The following RCAN2 variants were observed in gnomAD, a reference collection of about 807,000 sequenced individuals.
RCAN2 encodes the protein regulator of calcineurin 2, also known as calcipressin-2.
A neutral mutation model predicts 23.6 loss-of-function variants in RCAN2; 9 were observed. The observed-to-expected ratio is 0.38, with a 90% CI of 0.23 to 0.67. The LOEUF (loss-of-function observed/expected upper bound fraction) is 0.67, where lower values mean the gene tolerates loss of function less well. RCAN2 is among the 30% of genes least tolerant of loss of function. RCAN2 has a pLI of 0.51. For synonymous variants in RCAN2, 109 were observed against 115.7 expected, an observed-to-expected ratio of 0.94 and a Z score of 0.37; for missense variants, 273 against 302.3, an observed-to-expected ratio of 0.90 and a Z score of 0.72.
chr6:46,477,169 TC>T (rs1280724717), intron 1 of RCAN2, among the ~76,000 whole-genome samples: 1 of 152,056 alleles, frequency 6.6e-6, no homozygotes, highest in Non-Finnish European at 1.5e-5. Flanking sequence ...TTTAGAATCC[TC>T]CCCTTCTCTC....
chr6:46,474,522 G>A (rs1004348503), intron 1 of RCAN2, among the ~76,000 whole-genome samples: 2 of 152,120 alleles, frequency 1.3e-5, no homozygotes, highest in African/African-American at 4.8e-5. Flanking sequence ...GGGGCATATG[G>A]ATAGAAGACC....
At chr6:46,313,486 C>A (rs1238327960) in intron 2 of RCAN2, among the ~76,000 whole-genome samples, 1 of 152,174 alleles carries the variant, frequency 6.6e-6, no homozygotes, top group Non-Finnish European at 1.5e-5. Context: ...CACCTATATC[C>A]CATAGCCTTC....
At chr6:46,488,159 A>G (rs1009077924) in intron 1 of RCAN2, among the ~76,000 whole-genome samples, 1 of 152,222 alleles carries the variant, frequency 6.6e-6, no homozygotes, top group African/African-American at 2.4e-5. Context: ...AAAAAGAATT[A>G]TTTTAATGCT....
At chr6:46,306,400 G>A (rs907476817) in intron 2 of RCAN2, among the ~76,000 whole-genome samples, 2 of 152,228 alleles carry the variant, frequency 1.3e-5, no homozygotes, top group Middle Eastern at 3.4e-3. Flanking sequence ...ATCCCAGAGG[G>A]TGATACCATC....
chr6:46,248,993 G>A (rs1766616751), intron 2 of RCAN2, 97 bp from the exon 3 acceptor site: 4 of 813,932 alleles, frequency 4.9e-6, no homozygotes, highest in Admixed American at 5.8e-5. Context: ...TAAATAGGCT[G>A]TTAATAACAT....
chr6:46,410,044 C>T (rs1055505823), intron 2 of RCAN2, among the ~76,000 whole-genome samples: 4 of 152,174 alleles, frequency 2.6e-5, no homozygotes, highest in Non-Finnish European at 2.9e-5. Context: ...AGCAGGGACA[C>T]TCTTCTTCTC....
chr6:46,392,539 G>A (rs557635864), intron 2 of RCAN2, among the ~76,000 whole-genome samples: 2 of 152,262 alleles, frequency 1.3e-5, no homozygotes, highest in Admixed American at 1.3e-4. Flanking sequence ...AACACTTAAT[G>A]GAGGATGGGG....
chr6:46,423,095 T>C (rs1378971734), intron 2 of RCAN2, among the ~76,000 whole-genome samples: 25 of 152,148 alleles, frequency 1.6e-4, no homozygotes, highest in Non-Finnish European at 2.1e-4. Flanking sequence ...AGTGCCTTGG[T>C]GAAGGAGTGG....
In RCAN2 at chr6:46,278,150, T is replaced by C. The variant is rs969278298; in HGVS notation, c.226-29254A>G. Among the ~76,000 whole-genome samples, 6 of 152,140 alleles carry C rather than the reference T, an allele frequency of 3.9e-5. No individual in the cohort carries two copies. In the South Asian group the frequency reaches 6.2e-4, roughly 16 times the overall value. On this transcript the variant is annotated intron_variant, in intron 2 of 4. Transcript: ENST00000371374. ...CAAAAGATGTCACCTAAGACATCCATGAAATGCAGACAAGTATCTTAGCCC... is the reference window on the plus strand; with the variant it reads ...CAAAAGATGTCACCTAAGACATCCACGAAATGCAGACAAGTATCTTAGCCC...
At chr6:46,333,670 A>C (rs755500361) in intron 2 of RCAN2, among the ~76,000 whole-genome samples, 2 of 152,252 alleles carry the variant, frequency 1.3e-5, no homozygotes, top group Non-Finnish European at 2.9e-5. Flanking sequence ...TATGTGTTTC[A>C]GAATGCATTG....
At chr6:46,293,828 A>AT (rs1375907461) in intron 2 of RCAN2, among the ~76,000 whole-genome samples, 1 of 152,204 alleles carries the variant, frequency 6.6e-6, no homozygotes, top group Non-Finnish European at 1.5e-5. Context: ...CTCTTGAGTG[A>AT]TTTTGAAAGT....
intron 4 of RCAN2, among the ~76,000 whole-genome samples, chr6:46,244,506 A>T (rs1766443316): frequency 1.3e-5 from 2 of 152,190 alleles, no homozygotes; most frequent in Non-Finnish European, 2.9e-5. Flanking sequence ...TTTCTGCATC[A>T]ATCTTTGTGA....
At chr6:46,229,319 C>G (rs1765791333) in intron 4 of RCAN2, among the ~76,000 whole-genome samples, 2 of 152,152 alleles carry the variant, frequency 1.3e-5, no homozygotes, top group African/African-American at 4.8e-5. Context: ...GTTGGCCTGA[C>G]TTGCTAGGTT....
chr6:46,241,435 C>T (rs1384992877), intron 4 of RCAN2, among the ~76,000 whole-genome samples: 2 of 152,154 alleles, frequency 1.3e-5, no homozygotes, highest in Non-Finnish European at 2.9e-5. Flanking sequence ...ACAATAACTG[C>T]CCCTTAAACA....
intron 1 of RCAN2, among the ~76,000 whole-genome samples, chr6:46,482,706 C>T (rs1181700126): frequency 6.6e-6 from 1 of 152,082 alleles, no homozygotes; most frequent in East Asian, 1.9e-4. Context: ...CTCATAGTAT[C>T]ACACCTTGGC....
At chr6:46,256,204 T>C (rs9463193) in intron 2 of RCAN2, among the ~76,000 whole-genome samples, 117,447 of 151,628 alleles carry the variant, frequency 0.77, 45,799 homozygotes, top group Non-Finnish European at 0.81. Flanking sequence ...ACCCTGTCTC[T>C]ACTAAAAATA....
chr6:46,368,750 T>C (rs559885537), intron 2 of RCAN2, among the ~76,000 whole-genome samples: 1 of 152,300 alleles, frequency 6.6e-6, no homozygotes, highest in South Asian at 2.1e-4. Context: ...ATGGAGCTTT[T>C]AGGGCTGGGA....
chr6:46,384,415 G>A (rs192232181), intron 2 of RCAN2, among the ~76,000 whole-genome samples: 28 of 152,254 alleles, frequency 1.8e-4, no homozygotes, highest in Non-Finnish European at 2.8e-4. Context: ...ATATCTTTCC[G>A]GACAAAAAGT....
chr6:46,429,099 T>C (rs1767115099), intron 2 of RCAN2, among the ~76,000 whole-genome samples: 1 of 152,110 alleles, frequency 6.6e-6, no homozygotes, highest in Non-Finnish European at 1.5e-5. Flanking sequence ...TAAACCACAG[T>C]GTAAGTAGTA....
Sources: gnomAD v4.1 joint callset for allele counts (sites outside exome capture counted in the v4.1 genomes callset) on GRCh38, gnomAD v4.1.1 for gene constraint, MANE v1.5 for transcripts, NCBI Gene and HGNC (gene_info 2026-07-23, HGNC 2026-07-21) for gene names.